The following DRC8 variants were observed in gnomAD, a reference collection of about 807,000 sequenced individuals.
DRC8 encodes dynein regulatory complex subunit 8.
At chr1:245,076,043 G>A in the DRC8 span, among the ~76,000 whole-genome samples, 2 of 152,202 alleles carry the variant, frequency 1.3e-5, no homozygotes, top group Non-Finnish European at 2.9e-5. Context: ...TAGCAATTCC[G>A]TGCGCTATCT....
At chr1:244,969,932 C>G in the DRC8 span, 12 of 487,372 alleles carry the variant, frequency 2.5e-5, no homozygotes, top group Non-Finnish European at 3.9e-5. Context: ...TTCTATCACC[C>G]CCTTGGGAGC....
the DRC8 span, among the ~76,000 whole-genome samples, chr1:244,975,288 G>C: frequency 6.6e-5 from 10 of 152,274 alleles, no homozygotes; most frequent in African/African-American, 2.4e-4. Context: ...TGAGATTACA[G>C]GCATGAGCCA....
chr1:245,103,813 G>A, the DRC8 span, among the ~76,000 whole-genome samples: 3 of 152,224 alleles, frequency 2.0e-5, no homozygotes, highest in Non-Finnish European at 4.4e-5. Flanking sequence ...AAAAGGTGGG[G>A]AGAGGAAGAG....
chr1:245,075,179 G>A, the DRC8 span, among the ~76,000 whole-genome samples: 2 of 152,190 alleles, frequency 1.3e-5, no homozygotes, highest in East Asian at 1.9e-4. Context: ...TGAGAAAAGA[G>A]ATGGCCTGAT....
At chr1:245,013,921 A>G in the DRC8 span, among the ~76,000 whole-genome samples, 1 of 150,178 alleles carries the variant, frequency 6.7e-6, no homozygotes, top group East Asian at 2.0e-4. Context: ...AATCCCAGCT[A>G]CTCCAGAGAC....
At chr1:245,036,249 A>G in the DRC8 span, among the ~76,000 whole-genome samples, 1 of 152,230 alleles carries the variant, frequency 6.6e-6, no homozygotes, top group Admixed American at 6.5e-5. Flanking sequence ...AAGGAAGATT[A>G]TTTAATGGCC....
chr1:245,080,142 G>A, the DRC8 span, among the ~76,000 whole-genome samples: 3 of 152,090 alleles, frequency 2.0e-5, no homozygotes, highest in Non-Finnish European at 2.9e-5. Context: ...ATAGTTTTTC[G>A]TTTGTTTGTT....
At chr1:244,999,186 A>G in the DRC8 span, among the ~76,000 whole-genome samples, 2 of 151,358 alleles carry the variant, frequency 1.3e-5, no homozygotes, top group South Asian at 2.1e-4. Context: ...TTAGCCCACT[A>G]CTGGCTTGGG....
At chr1:244,984,661 C>T in the DRC8 span, among the ~76,000 whole-genome samples, 1 of 151,946 alleles carries the variant, frequency 6.6e-6, no homozygotes, top group Non-Finnish European at 1.5e-5. Context: ...ACAGAGAAAC[C>T]CTGTCTCTAC....
the DRC8 span, among the ~76,000 whole-genome samples, chr1:245,032,075 ATAT>A: frequency 6.6e-6 from 1 of 152,178 alleles, no homozygotes; most frequent in South Asian, 2.1e-4. Context: ...AGTGTTTTCT[ATAT>A]CACAGATAGA....
At chr1:245,109,054 G>T in the DRC8 span, among the ~76,000 whole-genome samples, 921 of 152,248 alleles carry the variant, frequency 6.0e-3, 6 homozygotes, top group Middle Eastern at 0.017. Context: ...GCCAGTAAAG[G>T]GTGTGTTGTC....
chr1:244,977,026 T>C, the DRC8 span, among the ~76,000 whole-genome samples: 1 of 152,314 alleles, frequency 6.6e-6, no homozygotes, highest in South Asian at 2.1e-4. Context: ...CTAAGTGAAA[T>C]AAGCCAGTCA....
the DRC8 span, among the ~76,000 whole-genome samples, chr1:245,070,086 A>G: frequency 1.3e-5 from 2 of 152,196 alleles, no homozygotes; most frequent in Non-Finnish European, 2.9e-5. Flanking sequence ...AAGGATGTGC[A>G]TAGGTTATAT....
chr1:245,078,847 G>A, the DRC8 span, among the ~76,000 whole-genome samples: 7 of 152,218 alleles, frequency 4.6e-5, no homozygotes, highest in East Asian at 9.6e-4. Flanking sequence ...CTAGTGAGTC[G>A]GTGGATAAGT....
the DRC8 span, among the ~76,000 whole-genome samples, chr1:245,066,087 T>C: frequency 1.3e-5 from 2 of 152,146 alleles, no homozygotes; most frequent in Non-Finnish European, 2.9e-5. Flanking sequence ...ATCTACTAGA[T>C]TATTGCCACT....
At chr1:245,022,829 C>A in the DRC8 span, among the ~76,000 whole-genome samples, 1 of 152,114 alleles carries the variant, frequency 6.6e-6, no homozygotes, top group African/African-American at 2.4e-5. Flanking sequence ...ACTCTACAAC[C>A]ATCACCGCTA....
At chr1:245,001,458 A>T in the DRC8 span, among the ~76,000 whole-genome samples, 1 of 152,202 alleles carries the variant, frequency 6.6e-6, no homozygotes, top group Non-Finnish European at 1.5e-5. Flanking sequence ...GTTGAGTCAG[A>T]GTTTCCAGGG....
At chr1:245,004,521 G>A in the DRC8 span, among the ~76,000 whole-genome samples, 2 of 151,760 alleles carry the variant, frequency 1.3e-5, no homozygotes, top group Non-Finnish European at 2.9e-5. Context: ...GGGACTATAG[G>A]CATGTACCAC....
At chr1:244,971,683 G>C in the DRC8 span, among the ~76,000 whole-genome samples, 2 of 152,122 alleles carry the variant, frequency 1.3e-5, no homozygotes, top group African/African-American at 4.8e-5. Flanking sequence ...ACCAAGTGTG[G>C]TCAGGTTAAC....
Sources: gnomAD v4.1 joint callset for allele counts (sites outside exome capture counted in the v4.1 genomes callset) on GRCh38, gnomAD v4.1.1 for gene constraint, MANE v1.5 for transcripts, NCBI Gene and HGNC (gene_info 2026-07-23, HGNC 2026-07-21) for gene names.